The following TACR3 variants were observed in gnomAD, a reference collection of about 807,000 sequenced individuals.
TACR3 encodes tachykinin receptor 3, also known as neuromedin-K receptor.
TACR3 carries 34 observed loss-of-function variants against 35.0 expected under a neutral mutation model. The observed-to-expected ratio is 0.97, with a 90% CI of 0.74 to 1.30. The LOEUF (loss-of-function observed/expected upper bound fraction) is 1.30. Among genes scored for constraint, TACR3 ranks in the 50% most tolerant of loss-of-function variants. The pLI, the probability that TACR3 is intolerant of heterozygous loss-of-function variation, is 0.00. For missense variants in TACR3, 558 were observed against 591.7 expected (o/e 0.94, Z 0.59); for synonymous variants, 233 against 221.1 (o/e 1.05, Z -0.48).
intron 3 of TACR3, among the ~76,000 whole-genome samples, chr4:103,594,319 A>G (rs1723957687): frequency 6.6e-6 from 1 of 151,946 alleles, no homozygotes; most frequent in Admixed American, 6.6e-5. Flanking sequence ...CTGGGATTAC[A>G]GGAGCGTGCC....
chr4:103,718,284 C>T (rs754668036), intron 1 of TACR3, among the ~76,000 whole-genome samples: 1 of 152,160 alleles, frequency 6.6e-6, no homozygotes, highest in Non-Finnish European at 1.5e-5. Flanking sequence ...CTGCCTTTCA[C>T]AAAGCTGAGA....
chr4:103,709,676 T>G (rs1476564084), intron 1 of TACR3, among the ~76,000 whole-genome samples: 1 of 152,016 alleles, frequency 6.6e-6, no homozygotes. Flanking sequence ...TAAATGTAAA[T>G]AGGCTAAATG....
chr4:103,602,095 T>C (rs1724219307), intron 3 of TACR3, among the ~76,000 whole-genome samples: 1 of 152,178 alleles, frequency 6.6e-6, no homozygotes, highest in Non-Finnish European at 1.5e-5. Flanking sequence ...CTTTTTATTC[T>C]TTTTTCTCTA....
In TACR3 at chr4:103,586,604, G is replaced by A. The variant is rs527291327; in HGVS notation, c.*3078C>T. The A allele has an allele frequency of 6.6e-6, 1 of 151,930 alleles. No individual in the cohort carries two copies. The allele number at this position is 151,930 out of a possible 1,614,324, so 9.4% of individuals were successfully genotyped here. A position where few individuals can be genotyped will look rare whatever the true frequency, so the allele number is the denominator to read the frequency against. The stretch of plus-strand genomic sequence containing the variant: ...CTTCTTGGTATTCTTTATGTGCTTT[G>A]TAAGGGCGGGGTTCACTCTGAAATT... On this transcript the variant is annotated 3_prime_UTR_variant, in exon 5 of 5. Transcript: ENST00000304883.
At chr4:103,630,729 G>A (rs976166188) in intron 3 of TACR3, among the ~76,000 whole-genome samples, 4 of 152,154 alleles carry the variant, frequency 2.6e-5, no homozygotes, top group African/African-American at 9.7e-5. Flanking sequence ...TTACACTGTT[G>A]GTGGGAGTGT....
chr4:103,636,800 C>G (rs1725203705), intron 3 of TACR3, among the ~76,000 whole-genome samples: 1 of 152,116 alleles, frequency 6.6e-6, no homozygotes. Flanking sequence ...TCAGAGAATA[C>G]TATAAACACC....
intron 3 of TACR3, among the ~76,000 whole-genome samples, chr4:103,629,478 C>T (rs1340474829): frequency 6.6e-6 from 1 of 152,134 alleles, no homozygotes; most frequent in Non-Finnish European, 1.5e-5. Context: ...AAATCACAAG[C>T]ATTCTTATAC....
At chr4:103,698,824 C>T (rs890747315) in intron 1 of TACR3, among the ~76,000 whole-genome samples, 28 of 151,828 alleles carry the variant, frequency 1.8e-4, no homozygotes, top group Non-Finnish European at 3.7e-4. Flanking sequence ...AAGAAAATGA[C>T]AAAGAAATTG....
At chr4:103,692,262 G>C (rs1190758531) in intron 1 of TACR3, among the ~76,000 whole-genome samples, 1 of 152,038 alleles carries the variant, frequency 6.6e-6, no homozygotes, top group African/African-American at 2.4e-5. Context: ...CAGAAGAAAA[G>C]ATTTGCTATA....
At chr4:103,605,794 A>G (rs1477799736) in intron 3 of TACR3, among the ~76,000 whole-genome samples, 3 of 151,818 alleles carry the variant, frequency 2.0e-5, no homozygotes, top group Non-Finnish European at 4.4e-5. Context: ...CTCTGATGGT[A>G]GTTTCTTTTG....
intron 1 of TACR3, among the ~76,000 whole-genome samples, chr4:103,696,085 T>G (rs945260856): frequency 3.3e-5 from 5 of 152,162 alleles, no homozygotes; most frequent in African/African-American, 1.2e-4. Context: ...AATAGAATGA[T>G]CTATATCAAC....
chr4:103,658,219 A>G lies in TACR3; in HGVS notation c.733T>C (p.Phe245Leu), dbSNP rs1310109805. ...VQWPEGPKQHFTYHIIVIILV... is the reference protein window; with the variant it reads ...VQWPEGPKQHLTYHIIVIILV... ...CATAATAGAGAATTAACTTACGTGA[A>G]ATGTTGTTTGGGACCTTCTGGCCAT... The change falls in exon 2 of 5, where the codon TTC becomes CTC. Residue 245 changes from phenylalanine (F) to leucine (L), a missense_variant. Physicochemically the swap from Phe to Leu is conservative, Grantham distance 22 (BLOSUM62 0). Transcript: ENST00000304883. 6.2e-7 allele frequency: 1 copy of G among 1,613,754 alleles called. No individual in the cohort carries two copies. Among genetic ancestry groups the G allele is most frequent in the Non-Finnish European group, 8.5e-7 (1 of 1,179,872 alleles).
chr4:103,633,544 T>C (rs1025671003), intron 3 of TACR3, among the ~76,000 whole-genome samples: 3 of 152,084 alleles, frequency 2.0e-5, no homozygotes, highest in African/African-American at 7.2e-5. Context: ...CCCTATTTGT[T>C]GTCCTGATCC....
intron 3 of TACR3, among the ~76,000 whole-genome samples, chr4:103,633,807 G>A (rs578212325): frequency 6.6e-6 from 1 of 152,130 alleles, no homozygotes; most frequent in East Asian, 1.9e-4. Flanking sequence ...TTGTCTTGGG[G>A]TTTAATTCCT....
At chr4:103,687,523 T>C (rs901309833) in intron 1 of TACR3, among the ~76,000 whole-genome samples, 39 of 152,236 alleles carry the variant, frequency 2.6e-4, no homozygotes, top group East Asian at 1.2e-3. Flanking sequence ...AAAATCTCCT[T>C]AAGCTGATAG....
At chr4:103,698,997 T>C (rs543630857) in intron 1 of TACR3, among the ~76,000 whole-genome samples, 1 of 152,312 alleles carries the variant, frequency 6.6e-6, no homozygotes, top group East Asian at 1.9e-4. Context: ...TTTTCTGTTC[T>C]AACACAATAA....
intron 3 of TACR3, among the ~76,000 whole-genome samples, chr4:103,625,799 C>T (rs924767232): frequency 1.3e-5 from 2 of 151,506 alleles, no homozygotes; most frequent in Non-Finnish European, 2.9e-5. Context: ...AAGTCCTAAC[C>T]CCCAGTACCT....
intron 3 of TACR3, among the ~76,000 whole-genome samples, chr4:103,607,176 G>T (rs898747331): frequency 6.6e-5 from 10 of 151,924 alleles, no homozygotes; most frequent in Non-Finnish European, 1.3e-4. Context: ...ATTAGACTTA[G>T]CAAATCATAC....
intron 3 of TACR3, 89 bp from the exon 4 acceptor site, chr4:103,591,772 G>A: frequency 8.2e-7 from 1 of 1,224,714 alleles, no homozygotes. Context: ...TGCCAATACA[G>A]TTAAATACAC....
Sources: allele counts gnomAD v4.1 joint callset (sites outside exome capture counted in the v4.1 genomes callset), GRCh38; gene constraint gnomAD v4.1.1; transcripts MANE v1.5; gene names NCBI Gene and HGNC (gene_info 2026-07-23, HGNC 2026-07-21).